SHISAL2A: variants seen among roughly 807,000 people sequenced by gnomAD.
SHISAL2A encodes protein shisa-like-2A.
SHISAL2A carries 18 observed loss-of-function variants against 11.5 expected under a neutral mutation model. That is an observed-to-expected ratio of 1.57 (90% CI 1.08 to 2.33). The LOEUF (loss-of-function observed/expected upper bound fraction) is 2.33. Ranked by LOEUF, SHISAL2A falls within the 30% of genes most tolerant of loss-of-function variation. The pLI is 0.00. For synonymous variants in SHISAL2A, 94 were observed against 99.6 expected (o/e 0.94, Z 0.34); for missense variants, 261 against 250.9 (o/e 1.04, Z -0.27).
chr1:52,661,104 A>G (rs1446121605), downstream of SHISAL2A, among the ~76,000 whole-genome samples: 4 of 152,214 alleles, frequency 2.6e-5, no homozygotes, highest in African/African-American at 9.6e-5. Flanking sequence ...GGTAGACACA[A>G]GGTGGGAATG....
rs1691181398 is a variant in SHISAL2A at position 52,633,690 on chromosome 1, C to G, written c.182+15C>G. 1.9e-6 allele frequency: 3 copies of G among 1,591,408 alleles called. No homozygotes were observed. Among genetic ancestry groups the G allele is most frequent in the Non-Finnish European group, 1.7e-6 (2 of 1,169,186 alleles). Reference sequence around the variant, plus strand: ...TGGTGGCTCAGGTACCGTCCCTGGCCCTCACCCTACCTTGAACCCCACTCC... The same window carrying G: ...TGGTGGCTCAGGTACCGTCCCTGGCGCTCACCCTACCTTGAACCCCACTCC... On this transcript the variant is annotated intron_variant, in intron 1 of 2. Coordinates refer to ENST00000517870, the MANE Select transcript of SHISAL2A (RefSeq NM_001042693.3). The surrounding 1 kb of genome is among the most constrained non-coding windows in gnomAD (Gnocchi z 6.4).
rs535170238 is a variant in SHISAL2A at position 52,642,801 on chromosome 1, A to G, written c.183-62A>G. 1.1e-4 allele frequency: 175 copies of G among 1,537,328 alleles called. No homozygotes were observed. The African/African-American group carries it at 2.1e-3, about 18-fold the overall frequency. ...ATTCTAGCCTAGCTACAACACTTTT[A>G]TAACATCTGTCTCCCAAGTCCCTTC... On this transcript the variant is annotated intron_variant, in intron 1 of 2. Coordinates refer to ENST00000517870, the MANE Select transcript of SHISAL2A (RefSeq NM_001042693.3).
intron 2 of SHISAL2A, among the ~76,000 whole-genome samples, chr1:52,652,405 G>A (rs141985380): frequency 9.9e-5 from 15 of 152,204 alleles, no homozygotes; most frequent in African/African-American, 2.2e-4. Flanking sequence ...TCACAAATTC[G>A]TAATCCTTTA....
intron 4 of SHISAL2A, chr1:52,667,369 GA>G: frequency 1.0e-6 from 1 of 982,974 alleles, no homozygotes; most frequent in Non-Finnish European, 1.2e-6. Flanking sequence ...GTCTTTCAAA[GA>G]TTTGTTCACA....
exon 6 of SHISAL2A, chr1:52,669,140 CTTT>C (rs3082851): frequency 1.7e-3 from 200 of 119,944 alleles, no homozygotes; most frequent in Middle Eastern, 4.5e-3. Context: ...CCAATTGGAT[CTTT>C]TTTTTTTTTT....
chr1:52,638,969 G>C (rs1691297845), intron 1 of SHISAL2A, among the ~76,000 whole-genome samples: 2 of 152,118 alleles, frequency 1.3e-5, no homozygotes, highest in South Asian at 4.1e-4. Context: ...CCTAAGAGTT[G>C]GAGACAACCT....
intron 2 of SHISAL2A, among the ~76,000 whole-genome samples, chr1:52,647,212 CAT>C: frequency 6.6e-6 from 1 of 152,188 alleles, no homozygotes; most frequent in South Asian, 2.1e-4. Context: ...GAATCAATAA[CAT>C]ATTAAATAAG....
At chr1:52,646,080 A>C (rs551014109) in intron 2 of SHISAL2A, among the ~76,000 whole-genome samples, 2 of 152,320 alleles carry the variant, frequency 1.3e-5, no homozygotes, top group Admixed American at 6.5e-5. Context: ...ACTGAGTACA[A>C]ATTTGTTCCC....
At chr1:52,646,638 T>C (rs1353683497) in intron 2 of SHISAL2A, among the ~76,000 whole-genome samples, 2 of 152,178 alleles carry the variant, frequency 1.3e-5, no homozygotes, top group South Asian at 2.1e-4. Context: ...CATTTGTAAA[T>C]GTGGGCACAC....
chr1:52,658,914 G>C (rs898602878), downstream of SHISAL2A, among the ~76,000 whole-genome samples: 9 of 152,326 alleles, frequency 5.9e-5, no homozygotes, highest in African/African-American at 1.9e-4. Flanking sequence ...CCTGAGGCCA[G>C]CCAAAGGGTA....
At chr1:52,661,897 G>A (rs1156627806), downstream of SHISAL2A, among the ~76,000 whole-genome samples, 1 of 152,104 alleles carries the variant, frequency 6.6e-6, no homozygotes, top group East Asian at 1.9e-4. Context: ...GCCAGGCATG[G>A]TGGCAGGTGC....
rs904241721 is a variant in SHISAL2A at position 52,663,663 on chromosome 1, A to G, written n.696-3736A>G. Among the ~76,000 whole-genome samples the G allele has an allele frequency of 4.6e-5, 7 of 152,334 alleles. No individual in the cohort carries two copies. In the South Asian group the frequency reaches 1.5e-3, roughly 32 times the overall value. ...GTGATCCCAGCTACTCGGGAAGCTG[A>G]CGCAGGAGAATCGCTTGAACCTGGG... On this transcript the variant is annotated intron_variant and non_coding_transcript_variant, in intron 4 of 5. Coordinates refer to the SHISAL2A transcript ENST00000401050.
At chr1:52,662,789 A>G (rs767443698) in intron 4 of SHISAL2A, among the ~76,000 whole-genome samples, 36 of 152,188 alleles carry the variant, frequency 2.4e-4, no homozygotes, top group Non-Finnish European at 4.6e-4. Flanking sequence ...GGCTCTAGGA[A>G]CAAAGAAATG....
intron 2 of SHISAL2A, among the ~76,000 whole-genome samples, chr1:52,644,907 C>T (rs1691461572): frequency 6.6e-6 from 1 of 151,150 alleles, no homozygotes; most frequent in African/African-American, 2.4e-5. Context: ...GTCCCAGCTA[C>T]TCAGGAGGCT....
chr1:52,656,861 C>G lies in SHISAL2A; in HGVS notation c.394C>G (p.Pro132Ala). 6.2e-7 allele frequency: 1 copy of G among 1,614,092 alleles called. No individual in the cohort carries two copies. The highest frequency in any genetic ancestry group is 1.3e-5 in the African/African-American group (1 of 75,024). ...GGCGGCAGAAGTGCCAAAAGTGAGC[C>G]CTCTCCAGCAGAGTTACTCCTGCTT... ...GMAAEVPKVS[P>A]LQQSYSCLNP... Residue 132 changes from proline (P) to alanine (A), a missense_variant, in exon 3 of 3, where the codon CCT becomes GCT. Coordinates refer to ENST00000517870, the MANE Select transcript of SHISAL2A (RefSeq NM_001042693.3).
intron 2 of SHISAL2A, among the ~76,000 whole-genome samples, chr1:52,649,494 A>T (rs1329644065): frequency 1.3e-5 from 2 of 152,192 alleles, no homozygotes; most frequent in Non-Finnish European, 2.9e-5. Flanking sequence ...ATGGAAAAGC[A>T]GTTTCTGAAA....
rs574050247 is a variant in SHISAL2A, at chr1:52,634,794, G to A, written c.182+1119G>A. Among the ~76,000 whole-genome samples, 21 of 152,282 alleles carry A rather than the reference G, an allele frequency of 1.4e-4. No individual in the cohort carries two copies. The South Asian group carries it at 2.9e-3, about 21-fold the overall frequency. On this transcript the variant is annotated intron_variant, in intron 1 of 2. Coordinates refer to ENST00000517870, the MANE Select transcript of SHISAL2A (RefSeq NM_001042693.3). ...GGGAAAGGACAGTGTCCTATGCCAC[G>A]AAAACTTCTCAAGTCTCTGGCTTTT... is the stretch of plus-strand genomic sequence containing the variant.
At chr1:52,655,487 G>A (rs576524336) in intron 2 of SHISAL2A, among the ~76,000 whole-genome samples, 75 of 143,034 alleles carry the variant, frequency 5.2e-4, no homozygotes, top group African/African-American at 1.8e-3. Context: ...AAAGGTGGAT[G>A]TGGTGGTGCA....
intron 2 of SHISAL2A, among the ~76,000 whole-genome samples, chr1:52,645,469 C>T (rs115996114): frequency 0.034 from 4,676 of 138,402 alleles, 108 homozygotes; most frequent in Non-Finnish European, 0.055. Flanking sequence ...AATGCAGTGG[C>T]GTAATCATGG....
Sources: allele counts gnomAD v4.1 joint callset (sites outside exome capture counted in the v4.1 genomes callset), GRCh38; gene constraint gnomAD v4.1.1; non-coding constraint Gnocchi (gnomAD v3.1); transcripts MANE v1.5; gene names NCBI Gene and HGNC (gene_info 2026-07-23, HGNC 2026-07-21).